FGD5: variants seen among roughly 807,000 people sequenced by gnomAD.
The protein encoded by FGD5 is FYVE, RhoGEF and PH domain-containing protein 5.
FGD5 carries 28 observed loss-of-function variants against 133.4 expected under a neutral mutation model. The ratio of observed to expected loss-of-function variants is 0.21; its 90% CI spans 0.16 to 0.29. The LOEUF (loss-of-function observed/expected upper bound fraction) is 0.29, where lower values mean the gene tolerates loss of function less well. FGD5 is among the 10% of genes least tolerant of loss of function. FGD5 has a pLI of 1.00. For missense variants in FGD5, 1,858 were observed against 1,895.2 expected, an observed-to-expected ratio of 0.98 and a Z score of 0.36; for synonymous variants, 810 against 776.5, an observed-to-expected ratio of 1.04 and a Z score of -0.72.
chr3:14,918,716 C>T (rs775252077), intron 12 of FGD5, 38 bp from the exon 13 acceptor site: 1 of 1,599,138 alleles, frequency 6.3e-7, no homozygotes, highest in East Asian at 2.2e-5. Context: ...TTGCCCCTCC[C>T]TGCCCCACCC....
At chr3:14,843,868 A>G (rs889999663) in intron 1 of FGD5, among the ~76,000 whole-genome samples, 1 of 151,072 alleles carries the variant, frequency 6.6e-6, no homozygotes, top group Non-Finnish European at 1.5e-5. Flanking sequence ...TAATTTTTGT[A>G]TTTTTTAGTA....
intron 9 of FGD5, among the ~76,000 whole-genome samples, chr3:14,905,416 G>A (rs2038319774): frequency 6.6e-6 from 1 of 152,066 alleles, no homozygotes; most frequent in African/African-American, 2.4e-5. Flanking sequence ...TTGGATCTGT[G>A]GTTTGTTGTC....
intron 2 of FGD5, among the ~76,000 whole-genome samples, chr3:14,867,737 C>T (rs916577426): frequency 1.3e-5 from 2 of 152,194 alleles, no homozygotes; most frequent in African/African-American, 4.8e-5. Context: ...ATGTCTCCAT[C>T]CTCATTTGTC....
rs776430922 is a variant in FGD5 at position 14,924,120 on chromosome 3, C to T, written c.4050C>T (p.Val1350=). The T allele has an allele frequency of 1.4e-5, 22 of 1,613,856 alleles. No individual in the cohort carries two copies. The highest frequency in any genetic ancestry group is 1.9e-5 in the Non-Finnish European group (22 of 1,179,898). The change falls in exon 17 of 20, where the codon GTC becomes GTT. Residue 1350 remains valine, a synonymous_variant. Transcript: ENST00000285046. The stretch of plus-strand genomic sequence containing the variant: ...CGACCTTCAAGAAGCAGAAGAAAGT[C>T]CCTTCAGCCCTGACAGAGGTAAAGC... ...NPSTFKKQKK[V]PSALTEVAAS...
At chr3:14,888,548 G>GAT (rs2037966645) in intron 4 of FGD5, among the ~76,000 whole-genome samples, 1 of 152,162 alleles carries the variant, frequency 6.6e-6, no homozygotes, top group South Asian at 2.1e-4. Context: ...ACTAGATATG[G>GAT]ATATATTTCA....
intron 1 of FGD5, among the ~76,000 whole-genome samples, chr3:14,860,798 A>AC (rs2037382584): frequency 6.9e-6 from 1 of 144,852 alleles, no homozygotes; most frequent in Non-Finnish European, 1.5e-5. Context: ...ACATAGTGAG[A>AC]CCCCTTTTTT....
chr3:14,859,450 C>T (rs768205404), intron 1 of FGD5, among the ~76,000 whole-genome samples: 2 of 152,008 alleles, frequency 1.3e-5, no homozygotes, highest in African/African-American at 2.4e-5. Context: ...CCCAGCTACT[C>T]GGGAGGCGGA....
chr3:14,867,114 C>T (rs2037510213), intron 2 of FGD5, among the ~76,000 whole-genome samples: 1 of 152,220 alleles, frequency 6.6e-6, no homozygotes, highest in South Asian at 2.1e-4. Flanking sequence ...GCATGCTCTA[C>T]CACGGAATAT....
intron 11 of FGD5, 97 bp downstream of exon 11, chr3:14,911,026 A>T: frequency 8.6e-7 from 1 of 1,164,372 alleles, no homozygotes; most frequent in South Asian, 1.4e-5. Flanking sequence ...GGGTGAGAGG[A>T]GAGTAGAACA....
At chr3:14,847,751 C>T (rs942040876) in intron 1 of FGD5, among the ~76,000 whole-genome samples, 15 of 152,158 alleles carry the variant, frequency 9.9e-5, no homozygotes, top group African/African-American at 4.8e-5. Flanking sequence ...GAGCTCCTCC[C>T]GGGTGTTCTC....
chr3:14,839,425 C>T (rs190930909), intron 1 of FGD5, among the ~76,000 whole-genome samples: 27 of 152,270 alleles, frequency 1.8e-4, no homozygotes, highest in South Asian at 4.2e-4. Flanking sequence ...GTTTGACTGT[C>T]GTCAGACCTT....
At chr3:14,890,714 G>A (rs747256453) in intron 4 of FGD5, among the ~76,000 whole-genome samples, 98 of 152,334 alleles carry the variant, frequency 6.4e-4, no homozygotes, top group Non-Finnish European at 7.4e-4. Context: ...TGCCCATTGG[G>A]ACTGAGTCGA....
chr3:14,893,025 C>A (rs1161990902), intron 4 of FGD5, among the ~76,000 whole-genome samples: 1 of 152,180 alleles, frequency 6.6e-6, no homozygotes, highest in African/African-American at 2.4e-5. Context: ...ATGCATTGCT[C>A]CACAGCTCAA....
intron 13 of FGD5, 22 bp downstream of exon 13, chr3:14,918,855 A>T (rs764729965): frequency 1.2e-6 from 2 of 1,613,016 alleles, no homozygotes; most frequent in Non-Finnish European, 1.7e-6. Context: ...TGGAGGGAGG[A>T]TGGCGCACAA....
At position 14,821,320 on chromosome 3, in the gene FGD5, G is replaced by A. The variant is rs765079706; in HGVS notation, c.2249G>A (p.Arg750Gln). 23 of 1,613,768 alleles carry A rather than the reference G, an allele frequency of 1.4e-5. No homozygotes were observed. Among genetic ancestry groups the A allele is most frequent in the South Asian group, 4.4e-5 (4 of 91,082 alleles). The change falls in exon 1 of 20, where the codon CGG (arginine) becomes CAG (glutamine). Residue 750 changes from arginine to glutamine, a missense_variant. Arg to Gln is a conservative substitution (Grantham distance 43). Transcript: ENST00000285046. Reference protein sequence around the residue: ...SRVESFEDRSRPPFLPLPLTK... With the variant: ...SRVESFEDRSQPPFLPLPLTK... ...GTGGAGTCCTTTGAAGACCGCTCCCGGCCGCCCTTCCTGCCCTTGCCACTG... is the reference window on the plus strand; with the variant it reads ...GTGGAGTCCTTTGAAGACCGCTCCCAGCCGCCCTTCCTGCCCTTGCCACTG...
intron 1 of FGD5, among the ~76,000 whole-genome samples, chr3:14,827,624 CCTTT>C (rs1160263160): frequency 6.6e-6 from 1 of 152,122 alleles, no homozygotes; most frequent in African/African-American, 2.4e-5. Context: ...TGAAAGGACA[CCTTT>C]CTTTTCTGCT....
intron 4 of FGD5, among the ~76,000 whole-genome samples, chr3:14,893,964 G>A (rs1232298283): frequency 2.6e-5 from 4 of 151,366 alleles, no homozygotes. Flanking sequence ...CACCATGTTG[G>A]TCTGGTTGGT....
intron 9 of FGD5, among the ~76,000 whole-genome samples, chr3:14,906,153 A>G (rs1226917378): frequency 6.6e-5 from 10 of 152,116 alleles, no homozygotes; most frequent in African/African-American, 2.2e-4. Context: ...GCACCACAGG[A>G]AGGCCCTCTC....
chr3:14,893,312 T>G (rs1417036148), intron 4 of FGD5, among the ~76,000 whole-genome samples: 2 of 152,166 alleles, frequency 1.3e-5, no homozygotes, highest in Non-Finnish European at 2.9e-5. Context: ...GCTGGAAACA[T>G]TCAAATTATT....
Sources: allele counts gnomAD v4.1 joint callset (sites outside exome capture counted in the v4.1 genomes callset), GRCh38; gene constraint gnomAD v4.1.1; transcripts MANE v1.5; gene names NCBI Gene and HGNC (gene_info 2026-07-23, HGNC 2026-07-21).